Variants in SLC25A17 observed in about 807,000 individuals in gnomAD.
SLC25A17 encodes the protein solute carrier family 25 member 17, also known as peroxisomal membrane protein PMP34.
A neutral mutation model predicts 38.5 loss-of-function variants in SLC25A17; 26 were observed. That is an observed-to-expected ratio of 0.68 (90% confidence interval 0.50 to 0.94). The LOEUF (loss-of-function observed/expected upper bound fraction) is 0.94. Among genes scored for constraint, SLC25A17 ranks in the 40% least tolerant of loss-of-function variants. The pLI is 0.00. For missense variants in SLC25A17, 333 were observed against 372.7 expected (o/e 0.89, Z 0.88); for synonymous variants, 139 against 136.2 (o/e 1.02, Z -0.14).
chr22:40,819,051 C>T, intron 1 of SLC25A17, 144 bp downstream of exon 1: 3 of 832,634 alleles, frequency 3.6e-6, no homozygotes, highest in South Asian at 1.6e-5. Flanking sequence ...GCCAATGGCC[C>T]ATTCCTCTCT....
chr22:40,816,940 C>G (rs770427854), intron 1 of SLC25A17, among the ~76,000 whole-genome samples: 1 of 152,164 alleles, frequency 6.6e-6, no homozygotes, highest in Non-Finnish European at 1.5e-5. Context: ...TCCCCTATTG[C>G]AATGCATAGT....
intron 5 of SLC25A17, 48 bp downstream of exon 5, chr22:40,778,961 A>C (rs1225535512): frequency 2.0e-6 from 3 of 1,490,492 alleles, no homozygotes; most frequent in Admixed American, 3.4e-5. Context: ...TCCAGATACA[A>C]AGAAGGAAGA....
At chr22:40,777,472 A>C in intron 5 of SLC25A17, 99 bp from the exon 6 acceptor site, 1 of 1,311,478 alleles carries the variant, frequency 7.6e-7, no homozygotes, top group Non-Finnish European at 1.0e-6. Context: ...AACACAAACC[A>C]TACTGGTTCT....
intron 7 of SLC25A17, 33 bp downstream of exon 7, chr22:40,777,007 T>A: frequency 6.4e-7 from 1 of 1,565,328 alleles, no homozygotes; most frequent in Non-Finnish European, 8.8e-7. Flanking sequence ...CGAATGCTGT[T>A]TGACTAAATG....
At chr22:40,787,705 T>C (rs1053179395) in intron 4 of SLC25A17, among the ~76,000 whole-genome samples, 2 of 152,082 alleles carry the variant, frequency 1.3e-5, no homozygotes, top group Non-Finnish European at 2.9e-5. Context: ...TTCTTTTTTT[T>C]TTAGACTTGA....
intron 1 of SLC25A17, among the ~76,000 whole-genome samples, chr22:40,809,193 G>A (rs867938295): frequency 1.3e-5 from 2 of 151,616 alleles, no homozygotes; most frequent in Admixed American, 6.6e-5. Flanking sequence ...GATTTTTAAT[G>A]AATTAACAAA....
intron 1 of SLC25A17, among the ~76,000 whole-genome samples, chr22:40,814,168 T>G (rs1443746956): frequency 6.6e-6 from 1 of 152,192 alleles, no homozygotes; most frequent in East Asian, 1.9e-4. Context: ...TCTTCCACTA[T>G]CAGTCCTTAC....
chr22:40,802,599 C>T (rs1160923295), intron 1 of SLC25A17, among the ~76,000 whole-genome samples: 1 of 151,950 alleles, frequency 6.6e-6, no homozygotes. Context: ...GAGCCAAGAT[C>T]GTGCCACTGC....
chr22:40,780,494 T>TGC (rs1307572637), intron 4 of SLC25A17, among the ~76,000 whole-genome samples: 1 of 152,250 alleles, frequency 6.6e-6, no homozygotes, highest in Admixed American at 6.5e-5. Flanking sequence ...AAAGCACCCA[T>TGC]GCCCCAGAGG....
chr22:40,784,955 T>C (rs944181645), intron 4 of SLC25A17, among the ~76,000 whole-genome samples: 2 of 152,230 alleles, frequency 1.3e-5, no homozygotes, highest in Non-Finnish European at 2.9e-5. Flanking sequence ...TGGCTGTTTC[T>C]GTACCTCACT....
intron 1 of SLC25A17, among the ~76,000 whole-genome samples, chr22:40,815,631 T>G (rs2057631308): frequency 6.6e-6 from 1 of 152,236 alleles, no homozygotes; most frequent in Non-Finnish European, 1.5e-5. Context: ...AATTATGGTC[T>G]TACTACAACG....
chr22:40,806,172 CAGAT>C (rs777057120), intron 1 of SLC25A17, among the ~76,000 whole-genome samples: 1 of 152,126 alleles, frequency 6.6e-6, no homozygotes, highest in African/African-American at 2.4e-5. Context: ...AAGCAGTAAA[CAGAT>C]AGGCAGAGGC....
intron 1 of SLC25A17, among the ~76,000 whole-genome samples, chr22:40,818,066 T>C (rs187411427): frequency 1.6e-3 from 245 of 152,330 alleles, no homozygotes; most frequent in African/African-American, 5.1e-3. Context: ...TTACAGGGCA[T>C]CTAGCTAACA....
chr22:40,810,203 CT>C (rs2057567057), intron 1 of SLC25A17, among the ~76,000 whole-genome samples: 1 of 152,076 alleles, frequency 6.6e-6, no homozygotes, highest in African/African-American at 2.4e-5. Context: ...CTAACAGTGT[CT>C]TTTTGTATAC....
At chr22:40,809,462 A>G (rs1176490260) in intron 1 of SLC25A17, among the ~76,000 whole-genome samples, 1 of 83,676 alleles carries the variant, frequency 1.2e-5, no homozygotes, top group Non-Finnish European at 2.6e-5. Context: ...CAGTCTCTAC[A>G]AAAAAATTAA....
chr22:40,779,352 G>C, intron 4 of SLC25A17: 1 of 1,182,786 alleles, frequency 8.5e-7, no homozygotes. Flanking sequence ...CAGCTCTCCA[G>C]ATGAAGAGCA....
intron 1 of SLC25A17, among the ~76,000 whole-genome samples, chr22:40,803,025 C>T (rs759074208): frequency 2.6e-5 from 4 of 152,144 alleles, no homozygotes; most frequent in Non-Finnish European, 4.4e-5. Flanking sequence ...GTGATAATAT[C>T]GGAAATCTTC....
At chr22:40,798,406 G>C (rs539228579) in intron 2 of SLC25A17, 4 of 152,210 alleles carry the variant, frequency 2.6e-5, no homozygotes, top group African/African-American at 9.6e-5. Flanking sequence ...GCCTCTTTCA[G>C]ATCACTGATG....
intron 1 of SLC25A17, among the ~76,000 whole-genome samples, chr22:40,806,909 A>T (rs144955279): frequency 3.6e-4 from 55 of 152,178 alleles, no homozygotes; most frequent in Non-Finnish European, 6.3e-4. Flanking sequence ...GTACCTATTC[A>T]TAGGCACAAT....
Sources: allele counts gnomAD v4.1 joint callset (sites outside exome capture counted in the v4.1 genomes callset), GRCh38; gene constraint gnomAD v4.1.1; transcripts MANE v1.5; gene names NCBI Gene and HGNC (gene_info 2026-07-23, HGNC 2026-07-21).